Variants in ILRUN observed in about 807,000 individuals in gnomAD.
ILRUN encodes the protein protein ILRUN.
Under a neutral mutation model 33.8 loss-of-function variants are expected in ILRUN, and 3 were observed. The ratio of observed to expected loss-of-function variants is 0.09; its 90% CI spans 0.04 to 0.23. The LOEUF is 0.23. Among genes scored for constraint, ILRUN ranks in the 10% least tolerant of loss-of-function variants. The probability of loss-of-function intolerance (pLI) is 1.00; values close to 1 mark genes in which losing one functional copy is unlikely to be tolerated. For synonymous variants in ILRUN, 124 were observed against 138.9 expected, an observed-to-expected ratio of 0.89 and a Z score of 0.75; for missense variants, 210 against 375.1, an observed-to-expected ratio of 0.56 and a Z score of 3.64.
At chr6:34,629,733 T>C (rs1295161698) in intron 3 of ILRUN, among the ~76,000 whole-genome samples, 3 of 152,202 alleles carry the variant, frequency 2.0e-5, no homozygotes, top group African/African-American at 4.8e-5. Flanking sequence ...TTCAGCCGTA[T>C]TGTTTCAAAT....
intron 3 of ILRUN, among the ~76,000 whole-genome samples, chr6:34,609,298 G>C (rs1231461786): frequency 1.3e-5 from 2 of 152,146 alleles, no homozygotes; most frequent in African/African-American, 4.8e-5. Flanking sequence ...AGACTAGCCT[G>C]GCCAACATGG....
chr6:34,625,094 T>C (rs1283820846), intron 3 of ILRUN, among the ~76,000 whole-genome samples: 1 of 152,218 alleles, frequency 6.6e-6, no homozygotes, highest in African/African-American at 2.4e-5. Flanking sequence ...ACTAGCTCTT[T>C]AGTCATCAAA....
intron 1 of ILRUN, among the ~76,000 whole-genome samples, chr6:34,672,559 T>A (rs542128952): frequency 3.7e-4 from 57 of 152,042 alleles, no homozygotes; most frequent in South Asian, 1.2e-3. Flanking sequence ...TTAAAAAAAA[T>A]TTTTTTTAAA....
intron 1 of ILRUN, chr6:34,671,934 T>A (rs867890271): frequency 1.6e-4 from 24 of 152,320 alleles, no homozygotes; most frequent in African/African-American, 5.8e-4. Flanking sequence ...TAAACACATG[T>A]ACAAAAACAG....
At chr6:34,620,568 T>C (rs1268227683) in intron 3 of ILRUN, among the ~76,000 whole-genome samples, 1 of 152,202 alleles carries the variant, frequency 6.6e-6, no homozygotes, top group Non-Finnish European at 1.5e-5. Context: ...CAGAGCACAG[T>C]GGTTCATGCC....
At chr6:34,683,443 T>TATATATACATATATATACACAC (rs1562032912) in intron 1 of ILRUN, among the ~76,000 whole-genome samples, 1 of 73,312 alleles carries the variant, frequency 1.4e-5, no homozygotes, top group Non-Finnish European at 2.5e-5. Flanking sequence ...TATATATACA[T>TATATATACATATATATACACAC]ATATATATAC....
intron 3 of ILRUN, among the ~76,000 whole-genome samples, chr6:34,617,994 T>A (rs1761933901): frequency 6.6e-6 from 1 of 152,306 alleles, no homozygotes; most frequent in Middle Eastern, 3.4e-3. Context: ...TTATGCCCTA[T>A]TTCAAAAATA....
chr6:34,637,502 A>T (rs1407940187), intron 3 of ILRUN, among the ~76,000 whole-genome samples: 1 of 152,194 alleles, frequency 6.6e-6, no homozygotes, highest in Non-Finnish European at 1.5e-5. Context: ...ACCATGAGTA[A>T]AAAAAGGTGC....
intron 3 of ILRUN, among the ~76,000 whole-genome samples, chr6:34,609,924 C>T (rs1191640398): frequency 1.3e-5 from 2 of 151,892 alleles, no homozygotes; most frequent in East Asian, 1.9e-4. Context: ...TTTGGGAGGC[C>T]GAGGCAGGTG....
intron 1 of ILRUN, chr6:34,686,683 G>A (rs1284746360): frequency 1.9e-5 from 4 of 208,246 alleles, no homozygotes; most frequent in Non-Finnish European, 3.0e-5. Flanking sequence ...GTATAAGAAA[G>A]GCAGGCCGGG....
chr6:34,600,665 T>C (rs182863934), intron 4 of ILRUN, among the ~76,000 whole-genome samples: 3 of 152,334 alleles, frequency 2.0e-5, no homozygotes, highest in Admixed American at 2.0e-4. Flanking sequence ...CAAGTGACTA[T>C]GAAGGTTTCT....
chr6:34,657,851 A>G (rs1762805932), intron 1 of ILRUN, among the ~76,000 whole-genome samples: 1 of 152,234 alleles, frequency 6.6e-6, no homozygotes, highest in East Asian at 1.9e-4. Flanking sequence ...TTAGCCAACA[A>G]GTAATTCTTC....
At chr6:34,617,228 G>C in intron 3 of ILRUN, 1 of 430,174 alleles carries the variant, frequency 2.3e-6, no homozygotes, top group Non-Finnish European at 4.5e-6. Flanking sequence ...GGGTGGACCA[G>C]ATCAACACGC....
chr6:34,624,317 TA>T (rs1425419270), intron 3 of ILRUN, among the ~76,000 whole-genome samples: 5 of 151,826 alleles, frequency 3.3e-5, no homozygotes, highest in South Asian at 2.1e-4. Context: ...TTACCTAATT[TA>T]TTTTTTTATT....
At chr6:34,669,247 C>T (rs1212066396) in intron 1 of ILRUN, among the ~76,000 whole-genome samples, 2 of 150,472 alleles carry the variant, frequency 1.3e-5, no homozygotes, top group South Asian at 2.1e-4. Context: ...CCTCAGCCTG[C>T]GGAGTAGCTG....
At chr6:34,633,872 GGAGGGAGA>G (rs1226029202) in intron 3 of ILRUN, among the ~76,000 whole-genome samples, 1 of 101,316 alleles carries the variant, frequency 9.9e-6, no homozygotes, top group African/African-American at 4.9e-5. Flanking sequence ...AGGGAGACAT[GGAGGGAGA>G]GAGGGAGGGA....
intron 1 of ILRUN, among the ~76,000 whole-genome samples, chr6:34,665,501 G>A (rs550828043): frequency 7.6e-4 from 115 of 152,136 alleles, no homozygotes; most frequent in Non-Finnish European, 1.4e-3. Context: ...GCCCACACAG[G>A]TCTCAAACGC....
Position 34,654,738 on chromosome 6 carries a change from C to T in ILRUN, c.200G>A (p.Ser67Asn), listed in dbSNP as rs201106601. Residue 67 changes from serine (S) to asparagine (N), a missense_variant, in exon 2 of 5, where the codon AGC becomes AAC. By Grantham distance (46) the Ser-to-Asn change is conservative (BLOSUM62 1). Transcript: ENST00000374023. ...AAIGAYYDFE[S>N]PNISVPSMSF... ...CATAGAGGGCACACTGATGTTTGGG[C>T]TCTCAAAGTCATAATAGGCGCCAAT... 1.8e-5 allele frequency: 29 copies of T among 1,613,662 alleles called. No homozygotes were observed. The highest frequency in any genetic ancestry group is 6.7e-5 in the Admixed American group (4 of 59,906).
intron 3 of ILRUN, among the ~76,000 whole-genome samples, chr6:34,621,684 A>AC (rs1013232522): frequency 2.0e-4 from 31 of 151,690 alleles, no homozygotes; most frequent in African/African-American, 7.3e-4. Flanking sequence ...ACATGGTGAA[A>AC]CCCCCGTCTC....
Sources: gnomAD v4.1 joint callset for allele counts (sites outside exome capture counted in the v4.1 genomes callset) on GRCh38, gnomAD v4.1.1 for gene constraint, MANE v1.5 for transcripts, NCBI Gene and HGNC (gene_info 2026-07-23, HGNC 2026-07-21) for gene names.